The following LUZP2 variants were observed in gnomAD, a reference collection of about 807,000 sequenced individuals.
LUZP2 encodes leucine zipper protein 2.
A neutral mutation model predicts 51.6 loss-of-function variants in LUZP2; 52 were observed. The observed-to-expected ratio is 1.01, with a 90% CI of 0.81 to 1.27. The LOEUF (loss-of-function observed/expected upper bound fraction) is 1.27. Among genes scored for constraint, LUZP2 ranks in the 50% most tolerant of loss-of-function variants. The probability of loss-of-function intolerance (pLI) is 0.00; values close to 1 mark genes in which losing one functional copy is unlikely to be tolerated. For synonymous variants in LUZP2, 154 were observed against 137.3 expected (o/e 1.12, Z -0.85); for missense variants, 436 against 395.4 (o/e 1.10, Z -0.87).
chr11:24,870,087 C>G (rs60305863), intron 5 of LUZP2, among the ~76,000 whole-genome samples: 22,106 of 151,972 alleles, frequency 0.15, 1,710 homozygotes, highest in South Asian at 0.19. Flanking sequence ...CAAAACATTC[C>G]CTTAAGCCAA....
At chr11:24,925,553 T>A (rs956516094) in intron 7 of LUZP2, among the ~76,000 whole-genome samples, 1 of 152,060 alleles carries the variant, frequency 6.6e-6, no homozygotes, top group Admixed American at 6.6e-5. Flanking sequence ...CACTTATTTT[T>A]TTCATTATTC....
At chr11:24,894,191 T>G (rs1024162965) in intron 5 of LUZP2, among the ~76,000 whole-genome samples, 43 of 151,312 alleles carry the variant, frequency 2.8e-4, no homozygotes, top group African/African-American at 9.7e-4. Flanking sequence ...TTTTTTTTTT[T>G]GTGATGGAGT....
intron 1 of LUZP2, among the ~76,000 whole-genome samples, chr11:24,662,557 A>C (rs1441665750): frequency 1.3e-5 from 2 of 152,110 alleles, no homozygotes; most frequent in African/African-American, 4.8e-5. Flanking sequence ...CTGAAGAAAA[A>C]CAGAGAAAAA....
chr11:24,532,743 A>G (rs1851049491), intron 1 of LUZP2, among the ~76,000 whole-genome samples: 1 of 151,110 alleles, frequency 6.6e-6, no homozygotes, highest in South Asian at 2.1e-4. Context: ...AAGATGAATA[A>G]TAGAGGACCT....
intron 5 of LUZP2, among the ~76,000 whole-genome samples, chr11:24,766,004 A>G (rs889008833): frequency 6.6e-6 from 1 of 151,970 alleles, no homozygotes; most frequent in Non-Finnish European, 1.5e-5. Context: ...CAAGAAATCC[A>G]CTCACCTCAG....
intron 1 of LUZP2, among the ~76,000 whole-genome samples, chr11:24,673,925 C>T (rs1216426739): frequency 2.0e-5 from 3 of 152,276 alleles, no homozygotes; most frequent in African/African-American, 4.8e-5. Context: ...TGACATTTCT[C>T]ATCAACATTG....
intron 9 of LUZP2, among the ~76,000 whole-genome samples, chr11:24,992,921 G>T (rs1856391501): frequency 6.6e-6 from 1 of 151,948 alleles, no homozygotes; most frequent in African/African-American, 2.4e-5. Flanking sequence ...CCTTTATCCA[G>T]AAATCTTTTC....
intron 9 of LUZP2, among the ~76,000 whole-genome samples, chr11:25,037,161 G>A (rs951986002): frequency 6.6e-6 from 1 of 152,082 alleles, no homozygotes; most frequent in African/African-American, 2.4e-5. Context: ...ATATATTTAG[G>A]ATAGTTAAGG....
At chr11:24,640,209 G>A (rs1855233309) in intron 1 of LUZP2, among the ~76,000 whole-genome samples, 1 of 151,860 alleles carries the variant, frequency 6.6e-6, no homozygotes, top group African/African-American at 2.4e-5. Context: ...TTTTTCGAAA[G>A]TAAATGTTCT....
At chr11:24,651,494 C>A (rs930705570) in intron 1 of LUZP2, among the ~76,000 whole-genome samples, 28 of 152,150 alleles carry the variant, frequency 1.8e-4, no homozygotes, top group African/African-American at 6.7e-4. Flanking sequence ...AGTGCCTGTT[C>A]TATTACTGAG....
rs759338377 is a variant in LUZP2, at chr11:24,983,123, T to A, written c.598-3T>A. The A allele has an allele frequency of 9.3e-6, 15 of 1,610,254 alleles. No homozygotes were observed. The South Asian group carries it at 1.5e-4, about 17-fold the overall frequency. ...AAATATGTTAATGCCTCTTTTTTTGTAGGAGTCACAGATGAAAGCAATGAA... is the reference window on the plus strand; with the variant it reads ...AAATATGTTAATGCCTCTTTTTTTGAAGGAGTCACAGATGAAAGCAATGAA... On this transcript the variant is annotated splice_polypyrimidine_tract_variant and splice_region_variant and intron_variant, in intron 8 of 11. Transcript: ENST00000336930.
rs115638330 is a variant in LUZP2 at position 24,969,493 on chromosome 11, T to A, written c.523-7098T>A. Among the ~76,000 whole-genome samples the A allele has an allele frequency of 8.2e-3, 1,249 of 152,286 alleles. 14 individuals carry two copies. The highest frequency in any genetic ancestry group is 0.028 in the African/African-American group (1,184 of 41,582). ...TGTTTTATTTTATTCTATAGGACAG[T>A]ATAGCTGTTCTCTTTTATCCCAGCA... is the stretch of plus-strand genomic sequence containing the variant. On this transcript the variant is annotated intron_variant, in intron 7 of 11. Transcript: ENST00000336930.
chr11:24,639,054 A>C (rs1192515194), intron 1 of LUZP2, among the ~76,000 whole-genome samples: 1 of 151,840 alleles, frequency 6.6e-6, no homozygotes, highest in African/African-American at 2.4e-5. Flanking sequence ...TACCTTCTCT[A>C]CAAATCTTCA....
chr11:24,905,184 C>T (rs895704514), intron 5 of LUZP2, among the ~76,000 whole-genome samples: 2 of 151,898 alleles, frequency 1.3e-5, no homozygotes, highest in Admixed American at 1.3e-4. Flanking sequence ...CTTTAATACC[C>T]CACTTTCAGA....
chr11:24,913,994 A>G (rs1853718159), intron 6 of LUZP2, among the ~76,000 whole-genome samples: 1 of 152,166 alleles, frequency 6.6e-6, no homozygotes, highest in South Asian at 2.1e-4. Flanking sequence ...TGCAAACAAC[A>G]TTCAGCTCAG....
chr11:24,727,354 A>C (rs988396557), intron 1 of LUZP2, among the ~76,000 whole-genome samples: 2 of 151,994 alleles, frequency 1.3e-5, no homozygotes, highest in Non-Finnish European at 2.9e-5. Context: ...TCTTAATAGC[A>C]TGTCCTTAGA....
At chr11:24,880,601 T>C (rs1852429514) in intron 5 of LUZP2, among the ~76,000 whole-genome samples, 1 of 152,120 alleles carries the variant, frequency 6.6e-6, no homozygotes, top group Non-Finnish European at 1.5e-5. Context: ...CATTTTGAGA[T>C]TCACTGGCTT....
At position 24,729,267 on chromosome 11, in the gene LUZP2, G is replaced by GA. The variant is rs750264266; in HGVS notation, c.163dup (p.Ile55AsnfsTer2). The GA allele has an allele frequency of 1.0e-5, 16 of 1,539,670 alleles. No individual in the cohort carries two copies. Among genetic ancestry groups the GA allele is most frequent in the Non-Finnish European group, 1.4e-5 (16 of 1,129,332 alleles). On this transcript the variant is annotated frameshift_variant, in exon 2 of 12. Transcript: ENST00000336930. LOFTEE classifies it high-confidence loss of function. ...ACAAAGACATCAAGAGAACTTGATG[G>GA]AATTAAAGTCAATCTTCAGGTGAGA...
intron 1 of LUZP2, among the ~76,000 whole-genome samples, chr11:24,565,449 T>C (rs1007061534): frequency 7.9e-5 from 12 of 151,988 alleles, no homozygotes; most frequent in Non-Finnish European, 1.8e-4. Flanking sequence ...GACAAAGCAG[T>C]CTAATCTGAG....
Sources: gnomAD v4.1 joint callset for allele counts (sites outside exome capture counted in the v4.1 genomes callset) on GRCh38, gnomAD v4.1.1 for gene constraint, MANE v1.5 for transcripts, NCBI Gene and HGNC (gene_info 2026-07-23, HGNC 2026-07-21) for gene names.